Variants in COL11A2 observed in about 807,000 individuals in gnomAD.
The protein encoded by COL11A2 is collagen alpha-2(XI) chain.
Under a neutral mutation model 273.4 loss-of-function variants are expected in COL11A2, and 116 were observed. The observed-to-expected ratio is 0.42, with a 90% CI of 0.36 to 0.49. COL11A2 has a LOEUF of 0.49. Ranked by LOEUF, COL11A2 falls within the 20% of genes least tolerant of loss-of-function variation. COL11A2 has a pLI of 0.00. For synonymous variants in COL11A2, 782 were observed against 864.2 expected, an observed-to-expected ratio of 0.90 and a Z score of 1.67; for missense variants, 1,866 against 2,309.0, an observed-to-expected ratio of 0.81 and a Z score of 3.93.
At position 33,177,230 on chromosome 6, in the gene COL11A2, A is replaced by C; in HGVS notation, c.1972-5T>G. On this transcript the variant is annotated splice_polypyrimidine_tract_variant and splice_region_variant and intron_variant, in intron 23 of 65. Transcript: ENST00000341947. The surrounding 1 kb of genome is among the most constrained non-coding windows in gnomAD (Gnocchi z 5.9). ...ACCCTGGGGCCCGGGAAGACCCTAC[A>C]TACAGGGAAAGAGAAGTCACAGGGG... The C allele has an allele frequency of 6.2e-7, 1 of 1,613,008 alleles. No homozygotes were observed. Among genetic ancestry groups the C allele is most frequent in the Non-Finnish European group, 8.5e-7 (1 of 1,179,988 alleles).
chr6:33,168,973 A>AG lies in COL11A2; in HGVS notation c.3833dup (p.Gly1279TrpfsTer12), dbSNP rs1259037195. 2 of 1,556,906 alleles carry AG rather than the reference A, an allele frequency of 1.3e-6. No individual in the cohort carries two copies. The highest frequency in any genetic ancestry group is 8.7e-7 in the Non-Finnish European group (1 of 1,153,416). On this transcript the variant is annotated frameshift_variant, in exon 52 of 66. Coordinates refer to ENST00000341947, the MANE Select transcript of COL11A2 (RefSeq NM_080680.3). LOFTEE classifies it high-confidence loss of function. ...GACTCACCCGAGGGCCACCTTCTCC[A>AG]GGGGGGCCAGGGTCACCAGGAAAAC...
Position 33,178,605 on chromosome 6 carries a change from T to C in COL11A2, c.1719+74A>G. 1 of 1,606,802 alleles carries C rather than the reference T, an allele frequency of 6.2e-7. No homozygotes were observed. The highest frequency in any genetic ancestry group is 1.1e-5 in the South Asian group (1 of 90,958). ...CTGAGCTCCTGCCAAGCCTCCAGCC[T>C]CCCTTCCCTACCTATCCTCACTCCC... On this transcript the variant is annotated intron_variant, in intron 18 of 65. Coordinates refer to ENST00000341947, the MANE Select transcript of COL11A2 (RefSeq NM_080680.3). This position sits in a 1 kb window ranked among gnomAD's most constrained non-coding sequence, Gnocchi z 4.6.
rs375177338 is a variant in COL11A2, at chr6:33,186,094, C to CTCCCT, written c.799-321_799-317dup. Among the ~76,000 whole-genome samples the CTCCCT allele has an allele frequency of 1.4e-3, 220 of 151,796 alleles. 1 individual carries two copies. Among genetic ancestry groups the CTCCCT allele is most frequent in the East Asian group, 8.1e-3 (42 of 5,158 alleles). ...CTCTCCAGACCCCATCCAACCCAGGCTCCCTTCCCTTCCCTTCCCTTCCCT... is the reference window on the plus strand; with the variant it reads ...CTCTCCAGACCCCATCCAACCCAGGCTCCCTTCCCTTCCCTTCCCTTCCCTTCCCT... On this transcript the variant is annotated intron_variant, in intron 5 of 65. Coordinates refer to ENST00000341947, the MANE Select transcript of COL11A2 (RefSeq NM_080680.3).
intron 41 of COL11A2, 32 bp downstream of exon 41, chr6:33,172,018 C>T (rs767163381): frequency 6.8e-6 from 11 of 1,612,140 alleles, no homozygotes; most frequent in African/African-American, 1.3e-5. Context: ...TTTCCCGGGT[C>T]CTTCCTACCA....
Position 33,179,858 on chromosome 6 carries a change from C to T in COL11A2, c.1360-53G>A. The T allele has an allele frequency of 6.5e-7, 1 of 1,545,852 alleles. No individual in the cohort carries two copies. The highest frequency in any genetic ancestry group is 8.9e-7 in the Non-Finnish European group (1 of 1,128,102). Reference sequence around the variant, plus strand: ...TCTCTTCCAAGAAAGCCATGGGACCCTCCCAGCCAGAGGCTTTCTCCAGCG... The same window carrying T: ...TCTCTTCCAAGAAAGCCATGGGACCTTCCCAGCCAGAGGCTTTCTCCAGCG... On this transcript the variant is annotated intron_variant, in intron 12 of 65. Transcript: ENST00000341947. This position sits in a 1 kb window ranked among gnomAD's most constrained non-coding sequence, Gnocchi z 6.4.
rs1169833039 is a variant in COL11A2, at chr6:33,164,258, T to G, written c.5070+9A>C. The G allele has an allele frequency of 2.5e-6, 4 of 1,612,740 alleles. No individual in the cohort carries two copies. The highest frequency in any genetic ancestry group is 3.4e-6 in the Non-Finnish European group (4 of 1,179,956). ...GATCAGCCCCCAACCCAGCTCTTCC[T>G]GTTCCCACCTGGCAGCCATCTCTGA... On this transcript the variant is annotated intron_variant, in intron 65 of 65. Coordinates refer to ENST00000341947, the MANE Select transcript of COL11A2 (RefSeq NM_080680.3). The surrounding 1 kb of genome is among the most constrained non-coding windows in gnomAD (Gnocchi z 4.7).
rs1769355197 is a variant in COL11A2, at chr6:33,167,605, G to C, written c.4015-72C>G. ...TGTGGGCAGGGGGCAGAGGGTCCAA[G>C]GTGGGAGGCAGGAGGCAGGGAGGAA... On this transcript the variant is annotated intron_variant, in intron 55 of 65. Transcript: ENST00000341947. This position sits in a 1 kb window ranked among gnomAD's most constrained non-coding sequence, Gnocchi z 6.1. 1.3e-6 allele frequency: 2 copies of C among 1,533,374 alleles called. No individual in the cohort carries two copies. The allele number at this position is 1,533,374 out of a possible 1,614,324, so 95.0% of individuals were successfully genotyped here. A position where few individuals can be genotyped will look rare whatever the true frequency, so the allele number is the denominator to read the frequency against.
chr6:33,185,432 G>A lies in COL11A2; in HGVS notation c.876+269C>T, dbSNP rs549903496. ...GGGCCTCCGGCCTGGTGAGGGGGAC[G>A]CCTGCCAGGTCATTGACCTCTTGGC... On this transcript the variant is annotated intron_variant, in intron 6 of 65. Transcript: ENST00000341947. Among the ~76,000 whole-genome samples the A allele has an allele frequency of 3.2e-4, 48 of 152,210 alleles. No individual in the cohort carries two copies. In the South Asian group the frequency reaches 7.5e-3, roughly 24 times the overall value.
chr6:33,181,153 T>G lies in COL11A2; in HGVS notation c.1137A>C (p.Arg379=). ...GCTCTCCTTTCTCTCCCTTCAGCCC[T>G]CGGGGTCCATGGGCAGCCTGAAGGA... ...AHSGAAAHGP[R]GLKGEKGEPA... is the part of the protein sequence containing the mutation. Residue 379 remains arginine (R), a synonymous_variant, in exon 9 of 66, where the codon CGA becomes CGC. Coordinates refer to ENST00000341947, the MANE Select transcript of COL11A2 (RefSeq NM_080680.3). 6.2e-7 allele frequency: 1 copy of G among 1,614,120 alleles called. No individual in the cohort carries two copies. Among genetic ancestry groups the G allele is most frequent in the South Asian group, 1.1e-5 (1 of 91,082 alleles).
chr6:33,173,242 G>A lies in COL11A2; in HGVS notation c.2736+106C>T. ...CCTGGGTCTGAGCAGCACCAGGGCAGGCTCCACTCTGCCAGGAGAACGTCC... is the reference window on the plus strand; with the variant it reads ...CCTGGGTCTGAGCAGCACCAGGGCAAGCTCCACTCTGCCAGGAGAACGTCC... On this transcript the variant is annotated intron_variant, in intron 37 of 65. Transcript: ENST00000341947. This position sits in a 1 kb window ranked among gnomAD's most constrained non-coding sequence, Gnocchi z 6.3. The A allele has an allele frequency of 2.6e-6, 4 of 1,540,418 alleles. No homozygotes were observed. Among genetic ancestry groups the A allele is most frequent in the Non-Finnish European group, 3.6e-6 (4 of 1,125,352 alleles).
chr6:33,174,328 G>C (rs922571228), intron 31 of COL11A2, 110 bp from the exon 32 acceptor site: 2 of 1,465,434 alleles, frequency 1.4e-6, no homozygotes, highest in Admixed American at 2.0e-5. Context: ...GGAGACCCGA[G>C]CTCTGCCAAG....
Position 33,163,682 on chromosome 6 carries a change from C to G in COL11A2, c.5207G>C (p.Gly1736Ala). The G allele has an allele frequency of 6.2e-7, 1 of 1,613,044 alleles. No homozygotes were observed. Among genetic ancestry groups the G allele is most frequent in the South Asian group, 1.1e-5 (1 of 91,080 alleles). ...CAGGATCAGACAGAGACGGTCCTAT[C>G]CCATGAAGCAGACAGGCCCCAGCAG... The part of the protein sequence containing the change: ...GVLLGPVCFM[G>A] Residue 1736 changes from glycine to alanine, a missense_variant, in exon 66 of 66, where the codon GGA (glycine) becomes GCA (alanine). Physicochemically the swap from Gly to Ala is moderately conservative, Grantham distance 60 (BLOSUM62 0). Coordinates refer to ENST00000341947, the MANE Select transcript of COL11A2 (RefSeq NM_080680.3). The surrounding 1 kb of genome is among the most constrained non-coding windows in gnomAD (Gnocchi z 4.1).
Position 33,167,956 on chromosome 6 carries a change from CGT to C in COL11A2, c.3961-106_3961-105del. The C allele has an allele frequency of 8.3e-7, 1 of 1,209,088 alleles. No individual in the cohort carries two copies. The highest frequency in any genetic ancestry group is 1.3e-5 in the South Asian group (1 of 79,646). The allele number at this position is 1,209,088 out of a possible 1,614,324, so 74.9% of individuals were successfully genotyped here. A position where few individuals can be genotyped will look rare whatever the true frequency, so the allele number is the denominator to read the frequency against. ...ACACACATACACATGCACACACACACGTGCATACACAGGGACACGCGCCGAGG... is the reference window on the plus strand; with the variant it reads ...ACACACATACACATGCACACACACACGCATACACAGGGACACGCGCCGAGG... On this transcript the variant is annotated intron_variant, in intron 54 of 65. Coordinates refer to ENST00000341947, the MANE Select transcript of COL11A2 (RefSeq NM_080680.3). The surrounding 1 kb of genome is among the most constrained non-coding windows in gnomAD (Gnocchi z 6.1).
chr6:33,175,597 G>T lies in COL11A2; in HGVS notation c.2353C>A (p.Pro785Thr). ...GRTGPTGDPG[P>T]PGLMGEKGKL... ...ACCTTCTCGCCCATGAGCCCTGGGG[G>T]CCCAGGGTCTCCAGTCGGTCCAGTG... The change falls in exon 30 of 66, where the codon CCC becomes ACC. Residue 785 changes from proline to threonine, a missense_variant. By Grantham distance (38) the Pro-to-Thr change is conservative (BLOSUM62 -1). Transcript: ENST00000341947. 6.2e-7 allele frequency: 1 copy of T among 1,612,796 alleles called. No homozygotes were observed. The highest frequency in any genetic ancestry group is 8.5e-7 in the Non-Finnish European group (1 of 1,179,892).
intron 1 of COL11A2, 69 bp downstream of exon 1, chr6:33,192,090 G>A (rs1219840934): frequency 7.0e-7 from 1 of 1,421,460 alleles, no homozygotes; most frequent in Non-Finnish European, 9.7e-7. Flanking sequence ...GGCATCAGCT[G>A]GCCCCTTCCC....
In COL11A2 at chr6:33,177,604, T is replaced by C; in HGVS notation, c.1917+58A>G. The C allele has an allele frequency of 6.2e-7, 1 of 1,606,602 alleles. No homozygotes were observed. Among genetic ancestry groups the C allele is most frequent in the Non-Finnish European group, 8.5e-7 (1 of 1,174,520 alleles). ...GGGGTCAAAATGGCGGCCAACAGGA[T>C]GCTGGCAGGGACCTCGGGGGATAAG... On this transcript the variant is annotated intron_variant, in intron 22 of 65. Transcript: ENST00000341947. The surrounding 1 kb of genome is among the most constrained non-coding windows in gnomAD (Gnocchi z 5.9).
Position 33,169,315 on chromosome 6 carries a change from C to A in COL11A2, c.3798+68G>T. The A allele has an allele frequency of 7.1e-7, 1 of 1,402,322 alleles. No homozygotes were observed. Among genetic ancestry groups the A allele is most frequent in the African/African-American group, 1.4e-5 (1 of 70,812 alleles). 86.9% of individuals were successfully genotyped at this position (1,402,322 alleles called of 1,614,324 possible). A position where few individuals can be genotyped will look rare whatever the true frequency, so the allele number is the denominator to read the frequency against. On this transcript the variant is annotated intron_variant, in intron 51 of 65. Coordinates refer to ENST00000341947, the MANE Select transcript of COL11A2 (RefSeq NM_080680.3). The surrounding 1 kb of genome is among the most constrained non-coding windows in gnomAD (Gnocchi z 5.5). ...ACACTCCAAGATCCTCCCTCACACA[C>A]ACCCATATTCCCAGGTCTGTCATTC...
Position 33,177,703 on chromosome 6 carries a change from C to T in COL11A2, c.1876G>A (p.Val626Ile), listed in dbSNP as rs755719124. The change falls in exon 22 of 66, where the codon GTC becomes ATC. Residue 626 changes from valine to isoleucine, a missense_variant. Physicochemically the swap from Val to Ile is conservative, Grantham distance 29. Coordinates refer to ENST00000341947, the MANE Select transcript of COL11A2 (RefSeq NM_080680.3). The surrounding 1 kb of genome is among the most constrained non-coding windows in gnomAD (Gnocchi z 5.9). ...CCCTGGGGACCATCCATGCCTCGGA[C>T]GCCCTGAAACACAAGATGGGTGTGA... ...GPPGIPGPPG[V>I]RGMDGPQGPK... 15 of 1,612,766 alleles carry T rather than the reference C, an allele frequency of 9.3e-6. No individual in the cohort carries two copies. The highest frequency in any genetic ancestry group is 8.9e-5 in the East Asian group (4 of 44,864).
rs1487481814 is a variant in COL11A2 at position 33,190,974 on chromosome 6, C to A, written c.82+1185G>T. Among the ~76,000 whole-genome samples, 1 of 152,146 alleles carries A rather than the reference C, an allele frequency of 6.6e-6. No individual in the cohort carries two copies. Among genetic ancestry groups the A allele is most frequent in the Non-Finnish European group, 1.5e-5 (1 of 68,030 alleles). ...GCCCCACAGGCTCTCCACTGGTAGCCCCATTACCCTCCACCACTCTACCTC... is the reference window on the plus strand; with the variant it reads ...GCCCCACAGGCTCTCCACTGGTAGCACCATTACCCTCCACCACTCTACCTC... On this transcript the variant is annotated intron_variant, in intron 1 of 65. Coordinates refer to ENST00000341947, the MANE Select transcript of COL11A2 (RefSeq NM_080680.3). The surrounding 1 kb of genome is among the most constrained non-coding windows in gnomAD (Gnocchi z 4.5).
Sources: allele counts gnomAD v4.1 joint callset (sites outside exome capture counted in the v4.1 genomes callset), GRCh38; gene constraint gnomAD v4.1.1; non-coding constraint Gnocchi (gnomAD v3.1); transcripts MANE v1.5; gene names NCBI Gene and HGNC (gene_info 2026-07-23, HGNC 2026-07-21).